The following CA10 variants were observed in gnomAD, a reference collection of about 807,000 sequenced individuals.
CA10 encodes the protein carbonic anhydrase 10 (inactive).
A neutral mutation model predicts 44.2 loss-of-function variants in CA10; 14 were observed. The observed-to-expected ratio is 0.32, with a 90% confidence interval of 0.21 to 0.50. CA10 has a LOEUF of 0.50. CA10 is among the 20% of genes least tolerant of loss of function. CA10 has a pLI of 0.99. For synonymous variants in CA10, 159 were observed against 141.6 expected (o/e 1.12, Z -0.87); for missense variants, 350 against 409.7 (o/e 0.85, Z 1.26).
chr17:51,929,000 C>A (rs1279962959), intron 3 of CA10, among the ~76,000 whole-genome samples: 1 of 152,146 alleles, frequency 6.6e-6, no homozygotes, highest in Non-Finnish European at 1.5e-5. Flanking sequence ...TAAATATTTA[C>A]ATCATGAAAA....
intron 3 of CA10, among the ~76,000 whole-genome samples, chr17:51,892,931 AAAAT>A (rs2143913096): frequency 6.6e-6 from 1 of 152,292 alleles, no homozygotes; most frequent in African/African-American, 2.4e-5. Context: ...TTATGTGTCA[AAAAT>A]AAACTACTTG....
intron 1 of CA10, among the ~76,000 whole-genome samples, chr17:52,111,038 T>C (rs1988779336): frequency 6.6e-6 from 1 of 152,192 alleles, no homozygotes; most frequent in South Asian, 2.1e-4. Flanking sequence ...AATTGAAGAA[T>C]CTAAATTGCA....
At chr17:51,791,717 T>A (rs139787983) in intron 3 of CA10, among the ~76,000 whole-genome samples, 44 of 152,336 alleles carry the variant, frequency 2.9e-4, no homozygotes, top group African/African-American at 9.6e-4. Context: ...TTTCTCATGG[T>A]ACTGTGGTGG....
At chr17:51,676,035 G>C (rs957103952) in intron 4 of CA10, among the ~76,000 whole-genome samples, 1 of 152,200 alleles carries the variant, frequency 6.6e-6, no homozygotes, top group Non-Finnish European at 1.5e-5. Context: ...TGCTTATTGG[G>C]AGTCTTGGCA....
intron 3 of CA10, among the ~76,000 whole-genome samples, chr17:51,754,388 CTGTG>C (rs1446990419): frequency 1.0e-5 from 1 of 99,386 alleles, no homozygotes; most frequent in African/African-American, 4.0e-5. Context: ...ATACATACTA[CTGTG>C]TGTGTGTGAT....
intron 3 of CA10, among the ~76,000 whole-genome samples, chr17:51,834,231 A>T (rs962825793): frequency 3.9e-5 from 6 of 152,222 alleles, no homozygotes; most frequent in Non-Finnish European, 8.8e-5. Flanking sequence ...GACTGAACAA[A>T]TCTTTAATGC....
intron 3 of CA10, among the ~76,000 whole-genome samples, chr17:51,795,352 G>C (rs1906666376): frequency 6.6e-6 from 1 of 152,154 alleles, no homozygotes; most frequent in Non-Finnish European, 1.5e-5. Flanking sequence ...ACACAATTCT[G>C]TTCTCACTAA....
At chr17:52,072,498 C>A in intron 1 of CA10, 105 bp from the exon 2 acceptor site, 1 of 758,224 alleles carries the variant, frequency 1.3e-6, no homozygotes, top group Admixed American at 2.4e-5. Flanking sequence ...CCCTTTTCTA[C>A]CCCAAAGTCA....
In CA10 at chr17:51,831,667, A is replaced by ACAGCAGCAGC. The variant is rs1413563405; in HGVS notation, c.280-83850_280-83849insGCTGCTGCTG. Among the ~76,000 whole-genome samples, 30 of 127,484 alleles carry ACAGCAGCAGC rather than the reference A, an allele frequency of 2.4e-4. 1 individual carries two copies. Among genetic ancestry groups the ACAGCAGCAGC allele is most frequent in the Non-Finnish European group, 4.3e-4 (26 of 60,776 alleles). 83.6% of individuals were successfully genotyped at this position (127,484 alleles called of 152,430 possible). On this transcript the variant is annotated intron_variant, in intron 3 of 8. Coordinates refer to ENST00000451037, the MANE Select transcript of CA10 (RefSeq NM_020178.5). The stretch of plus-strand genomic sequence containing the variant: ...TGGATTGTTCCAAGGAGAAAAGAAA[A>ACAGCAGCAGC]AGCAGCAGCAGCAGCAGCAGCAGCA...
intron 3 of CA10, chr17:51,748,313 G>C (rs1463788671): frequency 5.4e-6 from 1 of 184,020 alleles, no homozygotes; most frequent in Non-Finnish European, 1.0e-5. Flanking sequence ...GTCCTATCTG[G>C]TGTGTCCTGC....
intron 4 of CA10, among the ~76,000 whole-genome samples, chr17:51,720,471 C>T (rs1438487626): frequency 6.6e-6 from 1 of 152,164 alleles, no homozygotes; most frequent in Non-Finnish European, 1.5e-5. Context: ...TCAGTCCCAT[C>T]CACCAGTCTG....
chr17:51,957,432 CTT>C (rs528128442), intron 2 of CA10, among the ~76,000 whole-genome samples: 1 of 144,640 alleles, frequency 6.9e-6, no homozygotes, highest in African/African-American at 2.5e-5. Flanking sequence ...TATATGAAAA[CTT>C]TTTTTTTTTT....
At chr17:51,840,646 G>A (rs925263618) in intron 3 of CA10, among the ~76,000 whole-genome samples, 1 of 152,138 alleles carries the variant, frequency 6.6e-6, no homozygotes. Context: ...TGGGAAGGAT[G>A]ATGATTTCAG....
chr17:52,134,745 TTC>T, intron 1 of CA10: 1 of 408,216 alleles, frequency 2.4e-6, no homozygotes, highest in Non-Finnish European at 5.0e-6. Flanking sequence ...TATTTTGCAA[TTC>T]TCTGTGTGAC....
At chr17:51,888,082 A>G (rs1266597123) in intron 3 of CA10, among the ~76,000 whole-genome samples, 1 of 152,046 alleles carries the variant, frequency 6.6e-6, no homozygotes, top group East Asian at 1.9e-4. Flanking sequence ...ATCACTTCAC[A>G]TGATAGTTGA....
intron 6 of CA10, among the ~76,000 whole-genome samples, chr17:51,644,036 C>A (rs1028631880): frequency 2.0e-5 from 3 of 152,314 alleles, no homozygotes; most frequent in African/African-American, 7.2e-5. Context: ...GGTGTGGTGC[C>A]TTTACCAGCA....
intron 4 of CA10, among the ~76,000 whole-genome samples, chr17:51,659,997 A>G (rs1025962581): frequency 3.3e-5 from 5 of 152,226 alleles, no homozygotes; most frequent in East Asian, 3.9e-4. Context: ...CCAATTCTGC[A>G]TCTCATAGAA....
chr17:51,788,019 T>C (rs1906361668), intron 3 of CA10, among the ~76,000 whole-genome samples: 1 of 152,194 alleles, frequency 6.6e-6, no homozygotes, highest in South Asian at 2.1e-4. Flanking sequence ...TTGCTCTTGC[T>C]TTTCTAGTTC....
At chr17:51,976,704 A>T (rs927963905) in intron 2 of CA10, among the ~76,000 whole-genome samples, 1 of 152,058 alleles carries the variant, frequency 6.6e-6, no homozygotes, top group Non-Finnish European at 1.5e-5. Context: ...AAGATAAAAT[A>T]AAAAACAAAT....
Sources: allele counts gnomAD v4.1 joint callset (sites outside exome capture counted in the v4.1 genomes callset), GRCh38; gene constraint gnomAD v4.1.1; transcripts MANE v1.5; gene names NCBI Gene and HGNC (gene_info 2026-07-23, HGNC 2026-07-21).